The following DLG2 variants were observed in gnomAD, a reference collection of about 807,000 sequenced individuals.
The protein encoded by DLG2 is disks large homolog 2.
A neutral mutation model predicts 132.5 loss-of-function variants in DLG2; 45 were observed. The ratio of observed to expected loss-of-function variants is 0.34; its 90% CI spans 0.27 to 0.44. DLG2 has a LOEUF of 0.44. Among genes scored for constraint, DLG2 ranks in the 20% least tolerant of loss-of-function variants. The probability of loss-of-function intolerance (pLI) is 1.00; values close to 1 mark genes in which losing one functional copy is unlikely to be tolerated. For synonymous variants in DLG2, 424 were observed against 419.6 expected (o/e 1.01, Z -0.13); for missense variants, 1,045 against 1,196.9 (o/e 0.87, Z 1.87).
intron 4 of DLG2, among the ~76,000 whole-genome samples, chr11:85,170,727 T>A (rs1412624345): frequency 6.6e-6 from 1 of 152,108 alleles, no homozygotes; most frequent in African/African-American, 2.4e-5. Context: ...AAAGGCAGGT[T>A]TGAGAAAGTA....
chr11:84,253,923 C>A (rs1226991961), intron 7 of DLG2, among the ~76,000 whole-genome samples: 1 of 152,000 alleles, frequency 6.6e-6, no homozygotes, highest in Non-Finnish European at 1.5e-5. Flanking sequence ...TACTAGAGTA[C>A]CATACAAGAA....
At chr11:84,891,886 A>G (rs1357217479) in intron 6 of DLG2, among the ~76,000 whole-genome samples, 1 of 152,128 alleles carries the variant, frequency 6.6e-6, no homozygotes, top group Non-Finnish European at 1.5e-5. Flanking sequence ...GATGAGGGAT[A>G]AAAAAATAGG....
At chr11:85,096,495 A>G (rs749968668) in intron 6 of DLG2, among the ~76,000 whole-genome samples, 2 of 151,796 alleles carry the variant, frequency 1.3e-5, no homozygotes, top group Non-Finnish European at 2.9e-5. Context: ...CAAACCCACC[A>G]GAAGGAAGAA....
At chr11:84,098,869 T>C in intron 10 of DLG2, 54 bp downstream of exon 10, 4 of 1,580,936 alleles carry the variant, frequency 2.5e-6, no homozygotes, top group Non-Finnish European at 3.5e-6. Flanking sequence ...CAAATGTGTC[T>C]CATTGATGCA....
At position 84,468,916 on chromosome 11, in the gene DLG2, T is replaced by C. The variant is rs141640537; in HGVS notation, c.519+65654A>G. On this transcript the variant is annotated intron_variant, in intron 7 of 27. Coordinates refer to ENST00000376104, the MANE Select transcript of DLG2 (RefSeq NM_001142699.3). ...CTCATTGACTAATGTAAGGAATTAG[T>C]AGGAAATTAGAATCAGGTAGTAAAT... is the stretch of plus-strand genomic sequence containing the variant. 2.4e-4 allele frequency among the ~76,000 whole-genome samples: 36 copies of C among 151,666 alleles called. No homozygotes were observed. The East Asian group carries it at 6.8e-3, about 29-fold the overall frequency.
At chr11:83,601,089 C>T (rs562372341) in intron 19 of DLG2, among the ~76,000 whole-genome samples, 1 of 152,288 alleles carries the variant, frequency 6.6e-6, no homozygotes, top group African/African-American at 2.4e-5. Context: ...AAGATACAAT[C>T]TATAATACCT....
intron 7 of DLG2, among the ~76,000 whole-genome samples, chr11:84,514,608 A>G (rs1162087604): frequency 6.6e-6 from 1 of 151,970 alleles, no homozygotes; most frequent in African/African-American, 2.4e-5. Flanking sequence ...ATAACAATTG[A>G]ACTCATGGAT....
At chr11:84,993,643 A>G (rs1252993783) in intron 6 of DLG2, among the ~76,000 whole-genome samples, 1 of 151,772 alleles carries the variant, frequency 6.6e-6, no homozygotes. Flanking sequence ...GAAGTTTATT[A>G]CCTGTAAATG....
At chr11:83,667,716 A>C (rs1280468942) in intron 18 of DLG2, among the ~76,000 whole-genome samples, 4 of 152,134 alleles carry the variant, frequency 2.6e-5, no homozygotes, top group Admixed American at 2.0e-4. Context: ...GCAGTGGCTC[A>C]TGCCTGTAAT....
intron 6 of DLG2, among the ~76,000 whole-genome samples, chr11:85,062,367 A>G (rs2154160539): frequency 6.6e-6 from 1 of 151,944 alleles, no homozygotes; most frequent in Non-Finnish European, 1.5e-5. Context: ...TTTGTAATAG[A>G]TAGACTTTAA....
intron 7 of DLG2, among the ~76,000 whole-genome samples, chr11:84,314,908 T>C (rs925165754): frequency 3.9e-4 from 60 of 152,148 alleles, no homozygotes; most frequent in Admixed American, 8.5e-4. Context: ...AGCACTTTTA[T>C]AGGACTGAAA....
At chr11:84,553,767 T>C (rs1389376308) in intron 6 of DLG2, among the ~76,000 whole-genome samples, 1 of 152,196 alleles carries the variant, frequency 6.6e-6, no homozygotes, top group Non-Finnish European at 1.5e-5. Context: ...AAAATTAAAA[T>C]GTATTGTGGA....
intron 6 of DLG2, among the ~76,000 whole-genome samples, chr11:84,957,036 A>G (rs1247831454): frequency 6.6e-6 from 1 of 152,196 alleles, no homozygotes; most frequent in Non-Finnish European, 1.5e-5. Context: ...TTGAATGTCT[A>G]TTTTGTGCCA....
chr11:85,543,068 AT>A (rs1277290170), intron 3 of DLG2, among the ~76,000 whole-genome samples: 3 of 152,154 alleles, frequency 2.0e-5, no homozygotes, highest in African/African-American at 7.2e-5. Flanking sequence ...TACATGTGCC[AT>A]GGGGGTTTGC....
At chr11:84,227,352 C>T (rs1455524639) in intron 8 of DLG2, among the ~76,000 whole-genome samples, 1 of 151,810 alleles carries the variant, frequency 6.6e-6, no homozygotes, top group Admixed American at 6.6e-5. Context: ...GGAATAAGGC[C>T]TAGGAAGAGA....
At chr11:83,856,832 A>G (rs1402733524) in intron 16 of DLG2, among the ~76,000 whole-genome samples, 1 of 152,158 alleles carries the variant, frequency 6.6e-6, no homozygotes, top group East Asian at 1.9e-4. Flanking sequence ...TAGTTTAATT[A>G]AATATCATTT....
intron 6 of DLG2, among the ~76,000 whole-genome samples, chr11:85,055,830 C>G (rs1486733224): frequency 2.0e-5 from 3 of 152,004 alleles, no homozygotes; most frequent in Non-Finnish European, 4.4e-5. Flanking sequence ...TGGTAAACAT[C>G]TAAGGGTTAA....
chr11:83,719,909 G>A (rs1340136013), intron 18 of DLG2, among the ~76,000 whole-genome samples: 1 of 152,096 alleles, frequency 6.6e-6, no homozygotes, highest in East Asian at 1.9e-4. Context: ...AAACAGACTG[G>A]ATAACTTCCA....
intron 9 of DLG2, among the ~76,000 whole-genome samples, chr11:84,121,277 T>A (rs1194271089): frequency 6.6e-6 from 1 of 152,166 alleles, no homozygotes; most frequent in Non-Finnish European, 1.5e-5. Flanking sequence ...TAGTAATATT[T>A]TCCTTCCAGA....
Sources: allele counts gnomAD v4.1 joint callset (sites outside exome capture counted in the v4.1 genomes callset), GRCh38; gene constraint gnomAD v4.1.1; transcripts MANE v1.5; gene names NCBI Gene and HGNC (gene_info 2026-07-23, HGNC 2026-07-21).